Variants in RIMS2 observed in about 807,000 individuals in gnomAD.
RIMS2 encodes regulating synaptic membrane exocytosis protein 2.
In RIMS2, 59 loss-of-function variants were observed where a neutral mutation model predicts 174.4. That is an observed-to-expected ratio of 0.34 (90% CI 0.27 to 0.42). RIMS2 has a LOEUF of 0.42. Among genes scored for constraint, RIMS2 ranks in the 10% least tolerant of loss-of-function variants. The pLI is 1.00. For missense variants in RIMS2, 1,620 were observed against 1,666.3 expected (o/e 0.97, Z 0.48); for synonymous variants, 606 against 572.5 (o/e 1.06, Z -0.84).
At chr8:104,062,740 A>G (rs1196139169) in intron 19 of RIMS2, among the ~76,000 whole-genome samples, 2 of 152,026 alleles carry the variant, frequency 1.3e-5, no homozygotes, top group African/African-American at 4.8e-5. Context: ...AGAGTCCACA[A>G]TTTGGCTTTT....
intron 19 of RIMS2, among the ~76,000 whole-genome samples, chr8:104,090,584 A>G (rs915113323): frequency 6.6e-6 from 1 of 151,760 alleles, no homozygotes; most frequent in Admixed American, 6.6e-5. Flanking sequence ...TCTAAGACAA[A>G]TATTAAAAAT....
intron 19 of RIMS2, among the ~76,000 whole-genome samples, chr8:104,150,028 A>G (rs2098676276): frequency 6.6e-6 from 1 of 152,158 alleles, no homozygotes; most frequent in Admixed American, 6.5e-5. Context: ...TCATATTTTA[A>G]TGATTTTTAA....
intron 2 of RIMS2, among the ~76,000 whole-genome samples, chr8:103,763,603 T>C (rs2098135871): frequency 1.3e-5 from 2 of 151,782 alleles, no homozygotes. Flanking sequence ...GAACAAATGA[T>C]CTAGTCAGAA....
At chr8:103,649,210 G>A (rs957729452) in intron 1 of RIMS2, among the ~76,000 whole-genome samples, 1 of 151,988 alleles carries the variant, frequency 6.6e-6, no homozygotes, top group Non-Finnish European at 1.5e-5. Flanking sequence ...TTTAGTTTGG[G>A]CGAATATGCA....
chr8:104,235,529 A>G (rs780800372), intron 19 of RIMS2, among the ~76,000 whole-genome samples: 5 of 152,220 alleles, frequency 3.3e-5, no homozygotes, highest in Non-Finnish European at 5.9e-5. Context: ...TGAGTAGTTG[A>G]GTTTTTTCCC....
intron 1 of RIMS2, among the ~76,000 whole-genome samples, chr8:103,582,829 G>A (rs541038727): frequency 1.6e-4 from 24 of 152,278 alleles, no homozygotes; most frequent in South Asian, 1.0e-3. Context: ...CCCCCAGATG[G>A]CACCTCTGGA....
intron 8 of RIMS2, among the ~76,000 whole-genome samples, chr8:103,916,978 C>G (rs1259596453): frequency 6.6e-6 from 1 of 152,084 alleles, no homozygotes; most frequent in African/African-American, 2.4e-5. Context: ...GGTAGACAAA[C>G]AGACCAAAAA....
chr8:103,853,564 G>A (rs553048274), intron 3 of RIMS2, among the ~76,000 whole-genome samples: 3 of 152,044 alleles, frequency 2.0e-5, no homozygotes, highest in African/African-American at 7.2e-5. Flanking sequence ...TTTGCATATG[G>A]TGAAAGGTCA....
intron 16 of RIMS2, among the ~76,000 whole-genome samples, chr8:103,981,760 A>G (rs1043296824): frequency 2.0e-5 from 3 of 152,074 alleles, no homozygotes; most frequent in African/African-American, 7.2e-5. Flanking sequence ...GAACGCATCA[A>G]TGTCCCTTCA....
chr8:103,527,542 C>T lies in RIMS2; in HGVS notation c.176+26480C>T, dbSNP rs147794796. Among the ~76,000 whole-genome samples, 478 of 151,726 alleles carry T rather than the reference C, an allele frequency of 3.2e-3. 3 individuals carry two copies. The highest frequency in any genetic ancestry group is 5.3e-3 in the Non-Finnish European group (359 of 67,926). On this transcript the variant is annotated intron_variant, in intron 1 of 23. Coordinates refer to ENST00000504942, the Ensembl canonical transcript of RIMS2. Reference sequence around the variant, plus strand: ...TCTCCTAATGCTATCCGTCCCCCATCCCCCCTCCCCACAACAGGCCCTGGT... The same window carrying T: ...TCTCCTAATGCTATCCGTCCCCCATTCCCCCTCCCCACAACAGGCCCTGGT...
chr8:104,058,803 C>G (rs2096921911), intron 19 of RIMS2, among the ~76,000 whole-genome samples: 1 of 152,184 alleles, frequency 6.6e-6, no homozygotes, highest in African/African-American at 2.4e-5. Flanking sequence ...CCAATTTTCC[C>G]AGCACCATTT....
chr8:103,699,580 CT>C lies in RIMS2; in HGVS notation c.387+2291del, dbSNP rs987755870. 4.6e-5 allele frequency among the ~76,000 whole-genome samples: 7 copies of C among 151,920 alleles called. No homozygotes were observed. The South Asian group carries it at 1.0e-3, about 23-fold the overall frequency. Reference sequence around the variant, plus strand: ...CTTTGTTGTTGATTTCTGCTTTGATCTTTTTTTCTTTTTTCGTTTCTTTTCT... The same window carrying C: ...CTTTGTTGTTGATTTCTGCTTTGATCTTTTTTCTTTTTTCGTTTCTTTTCT... On this transcript the variant is annotated intron_variant, in intron 2 of 23. Transcript: ENST00000504942.
intron 19 of RIMS2, among the ~76,000 whole-genome samples, chr8:104,165,937 A>G (rs1326360628): frequency 1.3e-5 from 2 of 152,126 alleles, no homozygotes; most frequent in Non-Finnish European, 2.9e-5. Flanking sequence ...TAAACAAATC[A>G]TAGACCTACT....
intron 3 of RIMS2, among the ~76,000 whole-genome samples, chr8:103,832,005 A>C (rs917575414): frequency 6.6e-6 from 1 of 152,188 alleles, no homozygotes; most frequent in South Asian, 2.1e-4. Flanking sequence ...AGGATAGCTC[A>C]GCACCCTATG....
intron 17 of RIMS2, among the ~76,000 whole-genome samples, chr8:103,997,316 G>C (rs1268783264): frequency 6.6e-6 from 1 of 151,740 alleles, no homozygotes; most frequent in African/African-American, 2.4e-5. Flanking sequence ...ACAAGTAGAG[G>C]CATCTCTTTT....
chr8:104,182,884 ATTTGTGCACTG>A (rs1056372375), intron 19 of RIMS2, among the ~76,000 whole-genome samples: 16 of 151,782 alleles, frequency 1.1e-4, no homozygotes, highest in African/African-American at 3.9e-4. Context: ...GTGTGAAAGT[ATTTGTGCACTG>A]TTTACAAATA....
intron 19 of RIMS2, among the ~76,000 whole-genome samples, chr8:104,043,608 T>C (rs1486857118): frequency 6.6e-6 from 1 of 151,566 alleles, no homozygotes; most frequent in Admixed American, 6.6e-5. Context: ...GGAGATAAGG[T>C]CTCAATGATA....
intron 9 of RIMS2, among the ~76,000 whole-genome samples, chr8:103,921,367 CA>C (rs1451107348): frequency 2.0e-5 from 3 of 151,990 alleles, no homozygotes; most frequent in African/African-American, 7.3e-5. Flanking sequence ...CTTAATATGT[CA>C]TTGTAAGATA....
At chr8:103,688,206 G>T (rs916111024) in intron 1 of RIMS2, among the ~76,000 whole-genome samples, 1 of 151,950 alleles carries the variant, frequency 6.6e-6, no homozygotes, top group African/African-American at 2.4e-5. Flanking sequence ...ACTTTTCACC[G>T]TTGAGTATGA....
Sources: gnomAD v4.1 joint callset for allele counts (sites outside exome capture counted in the v4.1 genomes callset) on GRCh38, gnomAD v4.1.1 for gene constraint, MANE v1.5 for transcripts, NCBI Gene and HGNC (gene_info 2026-07-23, HGNC 2026-07-21) for gene names.